Variants in ASCL5 observed in about 807,000 individuals in gnomAD.
The protein encoded by ASCL5 is achaete-scute family bHLH transcription factor 5.
For missense variants in ASCL5, 262 were observed against 268.9 expected, an observed-to-expected ratio of 0.97 and a Z score of 0.18; for synonymous variants, 124 against 131.5, an observed-to-expected ratio of 0.94 and a Z score of 0.39.
At chr1:201,119,381 G>T (rs533416011) in intron 1 of ASCL5, among the ~76,000 whole-genome samples, 77 of 152,320 alleles carry the variant, frequency 5.1e-4, no homozygotes, top group Non-Finnish European at 2.9e-4. Flanking sequence ...CTAAGTTCAT[G>T]GGACTGGGCA....
At position 201,114,642 on chromosome 1, in the gene ASCL5, A is replaced by G. The variant is rs1254994029; in HGVS notation, c.*110T>C. The G allele has an allele frequency of 4.3e-5, 43 of 998,706 alleles. No homozygotes were observed. The highest frequency in any genetic ancestry group is 5.5e-5 in the Non-Finnish European group (43 of 778,594). 61.9% of individuals were successfully genotyped at this position (998,706 alleles called of 1,614,324 possible). ...CACGGGAGCGCCGCGGACCTCCTACAGTCACCGTCCTGCGGCGCATCGCGG... is the reference window on the plus strand; with the variant it reads ...CACGGGAGCGCCGCGGACCTCCTACGGTCACCGTCCTGCGGCGCATCGCGG... On this transcript the variant is annotated 3_prime_UTR_variant, in exon 2 of 2. Transcript: ENST00000449188.
In ASCL5 at chr1:201,114,864, T is replaced by C; in HGVS notation, c.509A>G (p.Asp170Gly). Residue 170 changes from aspartate to glycine, a missense_variant, in exon 2 of 2, where the codon GAC becomes GGC. Transcript: ENST00000449188. ...CCGGGCCTCGCCGTCGCCAGGGCGG[T>C]CGGGACGGGGGGTGGCGGGCGGCGC... ...CPAPPATPRPDRPGDGEARAP... is the reference protein window; with the variant it reads ...CPAPPATPRPGRPGDGEARAP... 8.4e-7 allele frequency: 1 copy of C among 1,184,690 alleles called. No homozygotes were observed. Among genetic ancestry groups the C allele is most frequent in the Non-Finnish European group, 1.0e-6 (1 of 955,780 alleles). The allele number at this position is 1,184,690 out of a possible 1,614,324, so 73.4% of individuals were successfully genotyped here.
intron 1 of ASCL5, among the ~76,000 whole-genome samples, chr1:201,125,766 G>C (rs1303746750): frequency 6.6e-6 from 1 of 152,228 alleles, no homozygotes; most frequent in African/African-American, 2.4e-5. Context: ...GAAGTAGCCT[G>C]ATGTGGAGGG....
intron 1 of ASCL5, among the ~76,000 whole-genome samples, chr1:201,119,482 G>A (rs547864903): frequency 1.3e-5 from 2 of 152,238 alleles, no homozygotes; most frequent in South Asian, 2.1e-4. Flanking sequence ...CACGGGTGTC[G>A]AAGTCATCAC....
In ASCL5 at chr1:201,115,460, C is replaced by G; in HGVS notation, c.-88G>C. 9.0e-7 allele frequency: 1 copy of G among 1,114,546 alleles called. No homozygotes were observed. The highest frequency in any genetic ancestry group is 1.1e-6 in the Non-Finnish European group (1 of 881,540). 69.0% of individuals were successfully genotyped at this position (1,114,546 alleles called of 1,614,324 possible). A position where few individuals can be genotyped will look rare whatever the true frequency, so the allele number is the denominator to read the frequency against. ...CACCGTCTCCACCAGTGGGGCAAGTCACATCGCTAGCAGCAGCTCTTGGGT... is the reference window on the plus strand; with the variant it reads ...CACCGTCTCCACCAGTGGGGCAAGTGACATCGCTAGCAGCAGCTCTTGGGT... On this transcript the variant is annotated 5_prime_UTR_variant, in exon 2 of 2. The change abolishes the stop of an existing upstream ORF in the 5' untranslated region. Coordinates refer to ENST00000449188, the MANE Select transcript of ASCL5 (RefSeq NM_001270601.2).
At chr1:201,119,710 T>C (rs1663411716) in intron 1 of ASCL5, among the ~76,000 whole-genome samples, 1 of 152,150 alleles carries the variant, frequency 6.6e-6, no homozygotes, top group Non-Finnish European at 1.5e-5. Flanking sequence ...TTGTTTTGAA[T>C]TAAAAATAGC....
At chr1:201,116,497 T>C (rs1663352418) in intron 1 of ASCL5, among the ~76,000 whole-genome samples, 2 of 152,136 alleles carry the variant, frequency 1.3e-5, no homozygotes, top group South Asian at 4.1e-4. Context: ...AATGGAGCTG[T>C]CTATTCTTTC....
intron 1 of ASCL5, among the ~76,000 whole-genome samples, chr1:201,125,895 T>C (rs1663570073): frequency 1.3e-5 from 2 of 152,198 alleles, no homozygotes; most frequent in Non-Finnish European, 2.9e-5. Context: ...CTTTAATGTC[T>C]GTGGTAGAGC....
chr1:201,123,551 G>C (rs1430436281), intron 1 of ASCL5, among the ~76,000 whole-genome samples: 1 of 152,238 alleles, frequency 6.6e-6, no homozygotes, highest in African/African-American at 2.4e-5. Flanking sequence ...GAGTGGTTAA[G>C]CAAATTGCCG....
intron 1 of ASCL5, among the ~76,000 whole-genome samples, chr1:201,116,777 C>T (rs531285579): frequency 6.6e-6 from 1 of 152,262 alleles, no homozygotes; most frequent in Non-Finnish European, 1.5e-5. Flanking sequence ...CGCACTCCCC[C>T]CTCTTGTGTG....
rs901874626 is a variant in ASCL5, at chr1:201,114,703, G to C, written c.*49C>G. 4.1e-5 allele frequency: 50 copies of C among 1,228,238 alleles called. No homozygotes were observed. The highest frequency in any genetic ancestry group is 2.9e-4 in the South Asian group (7 of 24,280). The allele number at this position is 1,228,238 out of a possible 1,614,324, so 76.1% of individuals were successfully genotyped here. A position where few individuals can be genotyped will look rare whatever the true frequency, so the allele number is the denominator to read the frequency against. On this transcript the variant is annotated 3_prime_UTR_variant, in exon 2 of 2. Coordinates refer to ENST00000449188, the MANE Select transcript of ASCL5 (RefSeq NM_001270601.2). The stretch of plus-strand genomic sequence containing the variant: ...AGCCTCCCGCTGCTCCCGAAAGTGG[G>C]ACGGGGCCGGCGGATCATCCTCCAA...
chr1:201,115,556 C>T lies in ASCL5; in HGVS notation c.-184G>A. The stretch of plus-strand genomic sequence containing the variant: ...AATGACTCCCTAACAAGAGCCATCG[C>T]CCTAGACAAGTGTGGCCCCTCTCAG... On this transcript the variant is annotated 5_prime_UTR_variant, in exon 2 of 2. Coordinates refer to ENST00000449188, the MANE Select transcript of ASCL5 (RefSeq NM_001270601.2). The T allele has an allele frequency of 2.4e-6, 1 of 413,750 alleles. No homozygotes were observed. 25.6% of individuals were successfully genotyped at this position (413,750 alleles called of 1,614,324 possible).
At position 201,115,387 on chromosome 1, in the gene ASCL5, C is replaced by A. The variant is rs926698161; in HGVS notation, c.-15G>T. ...TTATTGTTCATGGTGCCGCGTGGAGCTGGACCCAGAGCGAGGCCTCCACCG... is the reference window on the plus strand; with the variant it reads ...TTATTGTTCATGGTGCCGCGTGGAGATGGACCCAGAGCGAGGCCTCCACCG... On this transcript the variant is annotated 5_prime_UTR_variant, in exon 2 of 2. Transcript: ENST00000449188. 8.1e-7 allele frequency: 1 copy of A among 1,231,416 alleles called. No homozygotes were observed. The highest frequency in any genetic ancestry group is 1.6e-5 in the African/African-American group (1 of 64,418). The allele number at this position is 1,231,416 out of a possible 1,614,324, so 76.3% of individuals were successfully genotyped here.
chr1:201,115,250 G>T lies in ASCL5; in HGVS notation c.123C>A (p.Gly41=). The change falls in exon 2 of 2, where the codon GGC becomes GGA. Residue 41 remains glycine (G), a synonymous_variant. Transcript: ENST00000449188. ...QAPLPPAEPL[G]NVPFLLYPGP... Reference sequence around the variant, plus strand: ...CCGGGTACAGCAGGAAGGGCACGTTGCCCAGGGGCTCGGCGGGGGGCAGGG... The same window carrying T: ...CCGGGTACAGCAGGAAGGGCACGTTTCCCAGGGGCTCGGCGGGGGGCAGGG... 2.4e-6 allele frequency: 3 copies of T among 1,231,508 alleles called. No homozygotes were observed. Among genetic ancestry groups the T allele is most frequent in the African/African-American group, 1.6e-5 (1 of 64,504 alleles). The allele number at this position is 1,231,508 out of a possible 1,614,324, so 76.3% of individuals were successfully genotyped here. A position where few individuals can be genotyped will look rare whatever the true frequency, so the allele number is the denominator to read the frequency against.
intron 1 of ASCL5, among the ~76,000 whole-genome samples, chr1:201,126,298 AT>A (rs1394865533): frequency 6.6e-6 from 1 of 151,924 alleles, no homozygotes; most frequent in Non-Finnish European, 1.5e-5. Flanking sequence ...GTTGTTAAAA[AT>A]TTTTTTGTAG....
chr1:201,118,121 T>C (rs1272213102), intron 1 of ASCL5, among the ~76,000 whole-genome samples: 1 of 152,228 alleles, frequency 6.6e-6, no homozygotes, highest in East Asian at 1.9e-4. Flanking sequence ...AGAAAGGTGA[T>C]TCAAACAAGA....
At position 201,115,648 on chromosome 1, in the gene ASCL5, T is replaced by G; in HGVS notation, c.-276A>C. The G allele has an allele frequency of 3.8e-6, 1 of 263,240 alleles. No homozygotes were observed. Among genetic ancestry groups the G allele is most frequent in the African/African-American group, 2.2e-5 (1 of 45,456 alleles). 16.3% of individuals were successfully genotyped at this position (263,240 alleles called of 1,614,324 possible). A position where few individuals can be genotyped will look rare whatever the true frequency, so the allele number is the denominator to read the frequency against. On this transcript the variant is annotated 5_prime_UTR_variant, in exon 2 of 2. Transcript: ENST00000449188. ...CGGAACTCTGAGGGCCCGCACCCCG[T>G]TCCGCAGCACCCATGGGCATGGCCA...
intron 1 of ASCL5, among the ~76,000 whole-genome samples, chr1:201,125,630 T>G (rs1663565728): frequency 6.6e-6 from 1 of 152,222 alleles, no homozygotes; most frequent in Admixed American, 6.5e-5. Flanking sequence ...CGCCTTGCTG[T>G]TCACCTTGCT....
At position 201,115,190 on chromosome 1, in the gene ASCL5, C is replaced by T. The variant is rs1663313141; in HGVS notation, c.183G>A (p.Ala61=). Reference sequence around the variant, plus strand: ...GGAAGGGCACGTAGGGGAACACCCCCGCATAGGCGTCGTAGTAGGGCGGCT... The same window carrying T: ...GGAAGGGCACGTAGGGGAACACCCCTGCATAGGCGTCGTAGTAGGGCGGCT... ...PAEPPYYDAY[A]GVFPYVPFPG... The change falls in exon 2 of 2, where the codon GCG becomes GCA. Residue 61 remains alanine, a synonymous_variant. Coordinates refer to ENST00000449188, the MANE Select transcript of ASCL5 (RefSeq NM_001270601.2). 5.7e-6 allele frequency: 7 copies of T among 1,231,490 alleles called. No individual in the cohort carries two copies. Among genetic ancestry groups the T allele is most frequent in the Admixed American group, 4.2e-5 (1 of 23,690 alleles). The allele number at this position is 1,231,490 out of a possible 1,614,324, so 76.3% of individuals were successfully genotyped here. A position where few individuals can be genotyped will look rare whatever the true frequency, so the allele number is the denominator to read the frequency against.
Sources: allele counts gnomAD v4.1 joint callset (sites outside exome capture counted in the v4.1 genomes callset), GRCh38; gene constraint gnomAD v4.1.1; transcripts MANE v1.5; gene names NCBI Gene and HGNC (gene_info 2026-07-23, HGNC 2026-07-21).